Variants in SEPTIN14 observed in about 807,000 individuals in gnomAD.
The protein encoded by SEPTIN14 is septin 14, also known as septin-14.
In SEPTIN14, 40 loss-of-function variants were observed where a neutral mutation model predicts 53.6. The ratio of observed to expected loss-of-function variants is 0.75; its 90% CI spans 0.58 to 0.97. The LOEUF (loss-of-function observed/expected upper bound fraction) is 0.97, where lower values mean the gene tolerates loss of function less well. Ranked by LOEUF, SEPTIN14 falls within the 50% of genes least tolerant of loss-of-function variation. The probability of loss-of-function intolerance (pLI) is 0.00; values close to 1 mark genes in which losing one functional copy is unlikely to be tolerated. For synonymous variants in SEPTIN14, 138 were observed against 166.8 expected (o/e 0.83, Z 1.33); for missense variants, 471 against 508.2 (o/e 0.93, Z 0.70).
In SEPTIN14 at chr7:55,844,659, C is replaced by G. The variant is rs1457411001; in HGVS notation, c.235G>C (p.Asp79His). ...GAGTAAAAATGTGAGGATTTGTTATCTTTCAAGTTAGTATTAAACAATGTG... is the reference window on the plus strand; with the variant it reads ...GAGTAAAAATGTGAGGATTTGTTATGTTTCAAGTTAGTATTAAACAATGTG... ...IDTLFNTNLK[D>H]NKSSHFYSNV... The change falls in exon 4 of 10, where the codon GAT (aspartate) becomes CAT (histidine). Residue 79 changes from aspartate (D) to histidine (H), a missense_variant. Physicochemically the swap from Asp to His is moderately conservative, Grantham distance 81. Coordinates refer to ENST00000388975, the MANE Select transcript of SEPTIN14 (RefSeq NM_207366.3). The G allele has an allele frequency of 6.2e-7, 1 of 1,610,636 alleles. No homozygotes were observed. The highest frequency in any genetic ancestry group is 1.3e-5 in the African/African-American group (1 of 74,962).
At chr7:55,841,535 C>G (rs888932662) in intron 5 of SEPTIN14, among the ~76,000 whole-genome samples, 2 of 151,970 alleles carry the variant, frequency 1.3e-5, no homozygotes, top group Non-Finnish European at 2.9e-5. Flanking sequence ...GCCTGGCCAA[C>G]ATGGCAAGAC....
chr7:55,831,009 T>A (rs1413429809), intron 6 of SEPTIN14, among the ~76,000 whole-genome samples: 1 of 152,106 alleles, frequency 6.6e-6, no homozygotes, highest in African/African-American at 2.4e-5. Context: ...ACAAATTAAA[T>A]GCAATTCCTA....
intron 2 of SEPTIN14, among the ~76,000 whole-genome samples, chr7:55,856,561 T>C (rs1789630909): frequency 6.6e-6 from 1 of 151,920 alleles, no homozygotes; most frequent in East Asian, 2.0e-4. Context: ...CTGGCTAATT[T>C]TTTGTATTTT....
At chr7:55,828,526 G>C (rs190905520) in intron 6 of SEPTIN14, among the ~76,000 whole-genome samples, 1 of 152,036 alleles carries the variant, frequency 6.6e-6, no homozygotes, top group African/African-American at 2.4e-5. Flanking sequence ...GGATGGTCTC[G>C]ATCTCCTGAC....
At chr7:55,819,584 G>A (rs370915551) in intron 6 of SEPTIN14, among the ~76,000 whole-genome samples, 33 of 152,112 alleles carry the variant, frequency 2.2e-4, no homozygotes, top group East Asian at 1.9e-3. Context: ...GCAAGACTCC[G>A]CCACACACAC....
intron 6 of SEPTIN14, among the ~76,000 whole-genome samples, chr7:55,829,947 G>A (rs567300430): frequency 6.6e-6 from 1 of 151,852 alleles, no homozygotes; most frequent in South Asian, 2.1e-4. Context: ...GGGAGGCCGA[G>A]GCGGGCGGAT....
chr7:55,845,184 T>C (rs188706651), intron 3 of SEPTIN14, among the ~76,000 whole-genome samples: 25 of 152,190 alleles, frequency 1.6e-4, no homozygotes, highest in African/African-American at 6.0e-4. Context: ...TTCTCAGCCA[T>C]AAAAAAGAAG....
rs59445168 is a variant in SEPTIN14 at position 55,799,518 on chromosome 7, C to CAAA, written c.1120-3429_1120-3427dup. On this transcript the variant is annotated intron_variant, in intron 9 of 9. Coordinates refer to ENST00000388975, the MANE Select transcript of SEPTIN14 (RefSeq NM_207366.3). ...AGGTGACAGAGCAAGACTCTTGTCT[C>CAAA]AAAAAAAAAAAAAAAAAAAAAAAAG... 7.6e-4 allele frequency among the ~76,000 whole-genome samples: 48 copies of CAAA among 62,852 alleles called. 1 individual carries two copies. The highest frequency in any genetic ancestry group is 1.4e-3 in the South Asian group (3 of 2,154). The allele number at this position is 62,852 out of a possible 152,430, so 41.2% of individuals were successfully genotyped here.
chr7:55,808,607 A>T, intron 7 of SEPTIN14, among the ~76,000 whole-genome samples: 1 of 152,120 alleles, frequency 6.6e-6, no homozygotes, highest in Non-Finnish European at 1.5e-5. Flanking sequence ...GCTGGAGTGC[A>T]GCAGTGCGAC....
At chr7:55,819,378 A>G (rs766740820) in intron 6 of SEPTIN14, among the ~76,000 whole-genome samples, 155 bp from the exon 7 acceptor site, 1 of 152,154 alleles carries the variant, frequency 6.6e-6, no homozygotes, top group South Asian at 2.1e-4. Context: ...TCATGAGGTC[A>G]GGAGATCGAG....
chr7:55,860,501 A>G (rs1465109558), intron 2 of SEPTIN14, among the ~76,000 whole-genome samples: 3 of 152,170 alleles, frequency 2.0e-5, no homozygotes, highest in Non-Finnish European at 2.9e-5. Flanking sequence ...ATAACAATGT[A>G]TTGTATATTT....
chr7:55,833,102 G>A (rs1041257472), intron 6 of SEPTIN14, among the ~76,000 whole-genome samples: 2 of 152,004 alleles, frequency 1.3e-5, no homozygotes, highest in Non-Finnish European at 2.9e-5. Flanking sequence ...ATTGCCCAAG[G>A]TCAGGAGTTC....
chr7:55,822,214 T>C (rs1265009670), intron 6 of SEPTIN14, among the ~76,000 whole-genome samples: 4 of 152,162 alleles, frequency 2.6e-5, no homozygotes, highest in Non-Finnish European at 5.9e-5. Context: ...ATAGTGGTTC[T>C]AGATGAGAAA....
At chr7:55,840,902 A>ATTAT (rs1164682257) in intron 5 of SEPTIN14, among the ~76,000 whole-genome samples, 3 of 148,070 alleles carry the variant, frequency 2.0e-5, no homozygotes, top group African/African-American at 4.9e-5. Flanking sequence ...TTATTTATTT[A>ATTAT]TTATTTATTT....
At chr7:55,854,476 T>C (rs1469719153) in intron 2 of SEPTIN14, among the ~76,000 whole-genome samples, 4 of 151,734 alleles carry the variant, frequency 2.6e-5, no homozygotes, top group South Asian at 2.1e-4. Context: ...GTCGCCCAGG[T>C]TGGAGTGCAG....
intron 6 of SEPTIN14, among the ~76,000 whole-genome samples, chr7:55,830,337 A>ACAT (rs1789080832): frequency 2.8e-5 from 1 of 35,328 alleles, no homozygotes; most frequent in African/African-American, 1.5e-4. Flanking sequence ...ATATATATAT[A>ACAT]TATATATATA....
chr7:55,819,767 C>T lies in SEPTIN14; in HGVS notation c.721-544G>A, dbSNP rs1788861779. Among the ~76,000 whole-genome samples the T allele has an allele frequency of 2.6e-5, 4 of 152,114 alleles. No individual in the cohort carries two copies. In the South Asian group the frequency reaches 8.3e-4, roughly 32 times the overall value. Reference sequence around the variant, plus strand: ...GAGCCAGAGCCTAAAGCAAGGTATCCTGCTGTGGGAAACACATAGAAAAAA... The same window carrying T: ...GAGCCAGAGCCTAAAGCAAGGTATCTTGCTGTGGGAAACACATAGAAAAAA... On this transcript the variant is annotated intron_variant, in intron 6 of 9. Transcript: ENST00000388975.
intron 6 of SEPTIN14, among the ~76,000 whole-genome samples, chr7:55,823,774 C>T (rs1788936662): frequency 6.6e-6 from 1 of 152,144 alleles, no homozygotes; most frequent in Admixed American, 6.5e-5. Flanking sequence ...TGCAGCAATC[C>T]TTTGTTTGTT....
At chr7:55,809,595 G>A (rs1333976850) in intron 7 of SEPTIN14, among the ~76,000 whole-genome samples, 2 of 151,398 alleles carry the variant, frequency 1.3e-5, no homozygotes, top group Admixed American at 1.3e-4. Context: ...GAACTCAGGT[G>A]ATCCACGTGC....
Sources: allele counts gnomAD v4.1 joint callset (sites outside exome capture counted in the v4.1 genomes callset), GRCh38; gene constraint gnomAD v4.1.1; transcripts MANE v1.5; gene names NCBI Gene and HGNC (gene_info 2026-07-23, HGNC 2026-07-21).